The following RTN4RL1 variants were observed in gnomAD, a reference collection of about 807,000 sequenced individuals.
RTN4RL1 encodes reticulon 4 receptor like 1, also known as reticulon-4 receptor-like 1.
In RTN4RL1, 7 loss-of-function variants were observed where a neutral mutation model predicts 25.6. That is an observed-to-expected ratio of 0.27 (90% CI 0.16 to 0.51). The LOEUF (loss-of-function observed/expected upper bound fraction) is 0.51, where lower values mean the gene tolerates loss of function less well. Ranked by LOEUF, RTN4RL1 falls within the 20% of genes least tolerant of loss-of-function variation. The probability of loss-of-function intolerance (pLI) is 0.97; values close to 1 mark genes in which losing one functional copy is unlikely to be tolerated. For missense variants in RTN4RL1, 500 were observed against 615.6 expected (o/e 0.81, Z 1.99); for synonymous variants, 297 against 288.2 (o/e 1.03, Z -0.31).
chr17:2,008,135 G>A (rs2067014112), intron 1 of RTN4RL1, among the ~76,000 whole-genome samples: 1 of 151,566 alleles, frequency 6.6e-6, no homozygotes, highest in Non-Finnish European at 1.5e-5. Context: ...CGGCTGTGGT[G>A]GTGCATGCCT....
intron 1 of RTN4RL1, among the ~76,000 whole-genome samples, chr17:1,944,531 C>A (rs55714306): frequency 6.6e-6 from 1 of 152,316 alleles, no homozygotes; most frequent in Non-Finnish European, 1.5e-5. Context: ...TCTCGGCTCA[C>A]TGCAACTTCC....
chr17:1,965,496 C>T (rs1053906394), intron 1 of RTN4RL1, among the ~76,000 whole-genome samples: 4 of 152,210 alleles, frequency 2.6e-5, no homozygotes, highest in Admixed American at 6.5e-5. Context: ...AACACAGGCT[C>T]TGGGTGGGTC....
chr17:2,006,459 T>C (rs1417849175), intron 1 of RTN4RL1, among the ~76,000 whole-genome samples: 3 of 151,190 alleles, frequency 2.0e-5, no homozygotes, highest in Non-Finnish European at 3.0e-5. Flanking sequence ...CTGCAACCAG[T>C]TGGGTTTTTT....
chr17:1,990,559 A>T (rs1204908933), intron 1 of RTN4RL1, among the ~76,000 whole-genome samples: 1 of 151,688 alleles, frequency 6.6e-6, no homozygotes, highest in Non-Finnish European at 1.5e-5. Flanking sequence ...AATATTAGCC[A>T]GATGTGTGGC....
chr17:2,001,161 A>T (rs1224118350), intron 1 of RTN4RL1, among the ~76,000 whole-genome samples: 1 of 149,966 alleles, frequency 6.7e-6, no homozygotes, highest in East Asian at 1.9e-4. Flanking sequence ...TGCTGGGATT[A>T]CAGGTGTGAG....
At chr17:1,987,254 G>T (rs1302111017) in intron 1 of RTN4RL1, among the ~76,000 whole-genome samples, 2 of 152,032 alleles carry the variant, frequency 1.3e-5, no homozygotes, top group Non-Finnish European at 2.9e-5. Flanking sequence ...TTCCGGAGTG[G>T]GCTCGTACCC....
At chr17:1,988,506 CAA>C (rs777393625) in intron 1 of RTN4RL1, among the ~76,000 whole-genome samples, 3 of 80,460 alleles carry the variant, frequency 3.7e-5, no homozygotes, top group Non-Finnish European at 6.9e-5. Flanking sequence ...GACTCTGTCT[CAA>C]AAAAAAAAAA....
chr17:1,989,441 TC>T (rs915650444), intron 1 of RTN4RL1, among the ~76,000 whole-genome samples: 7 of 151,898 alleles, frequency 4.6e-5, no homozygotes, highest in Non-Finnish European at 1.0e-4. Context: ...ACGAGAAGGC[TC>T]TACTGCGAGC....
chr17:1,959,623 A>G (rs7359664), intron 1 of RTN4RL1, among the ~76,000 whole-genome samples: 87,501 of 151,918 alleles, frequency 0.58, 26,089 homozygotes, highest in Middle Eastern at 0.69. Context: ...GGAGTGTAGT[A>G]GCACGATCTC....
chr17:2,008,902 T>C (rs1232195643), intron 1 of RTN4RL1, among the ~76,000 whole-genome samples: 2 of 152,016 alleles, frequency 1.3e-5, no homozygotes, highest in African/African-American at 4.8e-5. Flanking sequence ...CTTTCACTTA[T>C]CCAGGGTGTG....
At chr17:2,022,263 C>G (rs1327248221) in intron 1 of RTN4RL1, among the ~76,000 whole-genome samples, 1 of 152,082 alleles carries the variant, frequency 6.6e-6, no homozygotes. Context: ...TTGCAGTTAG[C>G]TGAGATTGCA....
intron 1 of RTN4RL1, among the ~76,000 whole-genome samples, chr17:1,939,787 C>A (rs1288714451): frequency 6.6e-6 from 1 of 152,216 alleles, no homozygotes; most frequent in Non-Finnish European, 1.5e-5. Flanking sequence ...CCCCAGGCGG[C>A]CAGGCAGGCG....
chr17:1,989,520 C>G (rs187716862), intron 1 of RTN4RL1, among the ~76,000 whole-genome samples: 1 of 152,216 alleles, frequency 6.6e-6, no homozygotes, highest in African/African-American at 2.4e-5. Flanking sequence ...GCTGGAGCAT[C>G]ACACTGGCTG....
chr17:2,021,548 T>C (rs34351321), intron 1 of RTN4RL1, among the ~76,000 whole-genome samples: 1 of 136,728 alleles, frequency 7.3e-6, no homozygotes, highest in Non-Finnish European at 1.5e-5. Context: ...ACACATCCTA[T>C]ACCTTTTTTT....
chr17:1,939,213 C>T (rs4077912), intron 1 of RTN4RL1, among the ~76,000 whole-genome samples: 31,053 of 151,280 alleles, frequency 0.21, 3,486 homozygotes, highest in Middle Eastern at 0.31. Flanking sequence ...ATTAGCCGGG[C>T]GTGGTGGCGC....
intron 1 of RTN4RL1, among the ~76,000 whole-genome samples, chr17:1,949,462 G>A (rs1299810783): frequency 6.6e-6 from 1 of 152,210 alleles, no homozygotes; most frequent in African/African-American, 2.4e-5. Context: ...ATGCAAAACA[G>A]GAGCTGGGAG....
chr17:1,935,533 G>T lies in RTN4RL1; in HGVS notation c.*963C>A. 1.0e-6 allele frequency: 1 copy of T among 985,558 alleles called. No individual in the cohort carries two copies. The highest frequency in any genetic ancestry group is 1.2e-6 in the Non-Finnish European group (1 of 829,834). The allele number at this position is 985,558 out of a possible 1,614,324, so 61.1% of individuals were successfully genotyped here. ...TTGCCCCAGGCCCTTGGCAAGGCCA[G>T]GTCCCTTGGAGACTATCGTTGCCAG... On this transcript the variant is annotated 3_prime_UTR_variant, in exon 2 of 2. Coordinates refer to ENST00000331238, the MANE Select transcript of RTN4RL1 (RefSeq NM_178568.4).
intron 1 of RTN4RL1, chr17:2,019,735 C>G (rs1204574354): frequency 6.6e-6 from 1 of 152,274 alleles, no homozygotes; most frequent in Admixed American, 6.5e-5. Flanking sequence ...GCCAGAAACT[C>G]TGAAGTTCAC....
At chr17:1,988,176 T>C (rs1251260657) in intron 1 of RTN4RL1, among the ~76,000 whole-genome samples, 1 of 151,690 alleles carries the variant, frequency 6.6e-6, no homozygotes. Context: ...CCCAGCACTT[T>C]GGGAGGCTGA....
Sources: allele counts gnomAD v4.1 joint callset (sites outside exome capture counted in the v4.1 genomes callset), GRCh38; gene constraint gnomAD v4.1.1; transcripts MANE v1.5; gene names NCBI Gene and HGNC (gene_info 2026-07-23, HGNC 2026-07-21).